The following ARHGAP10 variants were observed in gnomAD, a reference collection of about 807,000 sequenced individuals.
ARHGAP10 encodes the protein rho GTPase-activating protein 10.
ARHGAP10 carries 87 observed loss-of-function variants against 108.6 expected under a neutral mutation model. The observed-to-expected ratio is 0.80, with a 90% CI of 0.67 to 0.96. The LOEUF is 0.96. Among genes scored for constraint, ARHGAP10 ranks in the 40% least tolerant of loss-of-function variants. The pLI is 0.00. For missense variants in ARHGAP10, 939 were observed against 954.5 expected (o/e 0.98, Z 0.21); for synonymous variants, 347 against 341.1 (o/e 1.02, Z -0.19).
chr4:148,014,853 A>G (rs1354324621), intron 18 of ARHGAP10, among the ~76,000 whole-genome samples: 1 of 152,234 alleles, frequency 6.6e-6, no homozygotes, highest in Non-Finnish European at 1.5e-5. Flanking sequence ...TGTTTCCTGA[A>G]ATAAAACATA....
intron 15 of ARHGAP10, among the ~76,000 whole-genome samples, chr4:147,951,921 C>T (rs1738617210): frequency 6.6e-6 from 1 of 152,172 alleles, no homozygotes; most frequent in African/African-American, 2.4e-5. Flanking sequence ...AAAGTTTCCT[C>T]CTACCATTTG....
intron 1 of ARHGAP10, among the ~76,000 whole-genome samples, chr4:147,768,290 C>A (rs931772248): frequency 2.0e-5 from 3 of 152,176 alleles, no homozygotes; most frequent in Non-Finnish European, 2.9e-5. Flanking sequence ...CTGAATGAAT[C>A]ATGGAGCTAT....
intron 6 of ARHGAP10, chr4:147,866,133 G>C (rs1734547296): frequency 6.6e-6 from 1 of 152,258 alleles, no homozygotes; most frequent in Non-Finnish European, 1.5e-5. Context: ...TGTCTCCCCA[G>C]ATCACTTCTT....
chr4:147,913,508 CT>C (rs1736838685), intron 13 of ARHGAP10, among the ~76,000 whole-genome samples: 2 of 152,246 alleles, frequency 1.3e-5, no homozygotes, highest in Admixed American at 1.3e-4. Flanking sequence ...CTTCTGAGGC[CT>C]CCCCACTTGG....
At chr4:147,796,936 A>C (rs1731341296) in intron 1 of ARHGAP10, among the ~76,000 whole-genome samples, 1 of 152,098 alleles carries the variant, frequency 6.6e-6, no homozygotes, top group Non-Finnish European at 1.5e-5. Flanking sequence ...CCTTCCACGG[A>C]GGCTTGTTGA....
At chr4:148,012,028 G>A (rs1176022501) in intron 18 of ARHGAP10, among the ~76,000 whole-genome samples, 1 of 152,212 alleles carries the variant, frequency 6.6e-6, no homozygotes, top group African/African-American at 2.4e-5. Flanking sequence ...GGTGGGCCAT[G>A]TCTTACTGAT....
intron 10 of ARHGAP10, among the ~76,000 whole-genome samples, chr4:147,893,466 T>G (rs1190974266): frequency 3.4e-5 from 5 of 147,734 alleles, no homozygotes; most frequent in Non-Finnish European, 6.0e-5. Context: ...CTATATATAA[T>G]ACTATTCTAT....
At chr4:147,893,307 C>T (rs1020683623) in intron 10 of ARHGAP10, among the ~76,000 whole-genome samples, 1 of 151,882 alleles carries the variant, frequency 6.6e-6, no homozygotes, top group Non-Finnish European at 1.5e-5. Context: ...ATCCACCTGC[C>T]TCAGCCTCCC....
chr4:147,840,520 C>T (rs1323139282), intron 3 of ARHGAP10, among the ~76,000 whole-genome samples: 1 of 152,114 alleles, frequency 6.6e-6, no homozygotes, highest in East Asian at 1.9e-4. Flanking sequence ...TTGAGGTAAG[C>T]TCTAATCTAA....
chr4:147,764,853 T>C (rs1729729241), intron 1 of ARHGAP10, among the ~76,000 whole-genome samples: 1 of 152,078 alleles, frequency 6.6e-6, no homozygotes, highest in Non-Finnish European at 1.5e-5. Context: ...ATTTATTAAG[T>C]GTGTTTTATA....
At chr4:148,064,565 A>G in intron 22 of ARHGAP10, 58 bp downstream of exon 22, 3 of 1,482,778 alleles carry the variant, frequency 2.0e-6, no homozygotes, top group African/African-American at 1.4e-5. Context: ...ATAAGTCTGC[A>G]GCATGGAGTG....
chr4:147,737,001 C>T (rs929702090), intron 1 of ARHGAP10, among the ~76,000 whole-genome samples: 1 of 152,120 alleles, frequency 6.6e-6, no homozygotes, highest in Non-Finnish European at 1.5e-5. Context: ...AGTGGCATAG[C>T]GCGCTAACTG....
At chr4:147,828,129 T>G (rs933280368) in intron 3 of ARHGAP10, among the ~76,000 whole-genome samples, 10 of 152,178 alleles carry the variant, frequency 6.6e-5, no homozygotes, top group Non-Finnish European at 7.3e-5. Context: ...GCAATTAGTT[T>G]AGTATTTTCT....
At chr4:147,816,456 A>G (rs937618565) in intron 1 of ARHGAP10, among the ~76,000 whole-genome samples, 2 of 152,184 alleles carry the variant, frequency 1.3e-5, no homozygotes, top group African/African-American at 2.4e-5. Flanking sequence ...AAGTCATTCA[A>G]GTGACTTCAG....
intron 1 of ARHGAP10, among the ~76,000 whole-genome samples, chr4:147,748,460 A>G (rs980237470): frequency 3.3e-5 from 5 of 152,260 alleles, no homozygotes; most frequent in Admixed American, 6.5e-5. Context: ...TATGGAGCAT[A>G]TGATTAACAA....
rs550375921 is a variant in ARHGAP10 at position 147,817,264 on chromosome 4, C to T, written c.155-5463C>T. 7.9e-5 allele frequency among the ~76,000 whole-genome samples: 12 copies of T among 152,178 alleles called. No homozygotes were observed. In the East Asian group the frequency reaches 1.9e-3, roughly 24 times the overall value. Reference sequence around the variant, plus strand: ...GGAGTTAATAGTGACAACTTCATGACGAGGGCTCAGGCTTGTAACTTAAGG... The same window carrying T: ...GGAGTTAATAGTGACAACTTCATGATGAGGGCTCAGGCTTGTAACTTAAGG... On this transcript the variant is annotated intron_variant, in intron 1 of 22. Transcript: ENST00000336498.
intron 19 of ARHGAP10, among the ~76,000 whole-genome samples, chr4:148,035,433 C>G (rs1728334443): frequency 1.3e-5 from 2 of 152,110 alleles, no homozygotes; most frequent in Admixed American, 6.6e-5. Context: ...GTAGGAAGCT[C>G]TTTTCTTGAG....
chr4:147,953,027 A>G (rs972752981), intron 15 of ARHGAP10, among the ~76,000 whole-genome samples: 1 of 151,972 alleles, frequency 6.6e-6, no homozygotes, highest in African/African-American at 2.4e-5. Context: ...TAAATTGTCT[A>G]TTGATATGAT....
At chr4:147,881,496 G>C (rs751323084) in intron 9 of ARHGAP10, among the ~76,000 whole-genome samples, 4 of 152,076 alleles carry the variant, frequency 2.6e-5, no homozygotes, top group African/African-American at 4.8e-5. Context: ...AAATCATCCA[G>C]GTGTGGTGGT....
Sources: allele counts gnomAD v4.1 joint callset (sites outside exome capture counted in the v4.1 genomes callset), GRCh38; gene constraint gnomAD v4.1.1; transcripts MANE v1.5; gene names NCBI Gene and HGNC (gene_info 2026-07-23, HGNC 2026-07-21).